RAB3B: variants seen among roughly 807,000 people sequenced by gnomAD.
RAB3B encodes ras-related protein Rab-3B.
In RAB3B, 11 loss-of-function variants were observed where a neutral mutation model predicts 20.5. That is an observed-to-expected ratio of 0.54 (90% CI 0.34 to 0.89). The LOEUF (loss-of-function observed/expected upper bound fraction) is 0.89, where lower values mean the gene tolerates loss of function less well. RAB3B is among the 40% of genes least tolerant of loss of function. RAB3B has a pLI of 0.02. For synonymous variants in RAB3B, 99 were observed against 106.3 expected (o/e 0.93, Z 0.42); for missense variants, 225 against 280.9 (o/e 0.80, Z 1.42).
chr1:51,967,465 T>A (rs1684868434), intron 2 of RAB3B, among the ~76,000 whole-genome samples: 1 of 151,472 alleles, frequency 6.6e-6, no homozygotes, highest in South Asian at 2.1e-4. Context: ...CTTCAGAGTC[T>A]TAAAGGATGA....
rs1553232373 is a variant in RAB3B at position 51,989,101 on chromosome 1, G to GCACACACACACACACACA, written c.-1+1450_-1+1451insTGTGTGTGTGTGTGTGTG. On this transcript the variant is annotated intron_variant, in intron 1 of 4. Transcript: ENST00000371655. Reference sequence around the variant, plus strand: ...AACAGGTGGACACCCACCTGTGCGCGCGCACACACACACACACACACACAC... The same window carrying GCACACACACACACACACA: ...AACAGGTGGACACCCACCTGTGCGCGCACACACACACACACACACGCACACACACACACACACACACAC... Among the ~76,000 whole-genome samples, 16 of 24,050 alleles carry GCACACACACACACACACA rather than the reference G, an allele frequency of 6.7e-4. No individual in the cohort carries two copies. In the East Asian group the frequency reaches 8.0e-3, roughly 12 times the overall value. The allele number at this position is 24,050 out of a possible 152,430, so 15.8% of individuals were successfully genotyped here.
rs1221669341 is a variant in RAB3B at position 51,908,959 on chromosome 1, TATA to T, written c.*10965_*10967del. The T allele has an allele frequency of 2.0e-5, 3 of 152,298 alleles. No homozygotes were observed. The highest frequency in any genetic ancestry group is 1.9e-4 in the East Asian group (1 of 5,202). The allele number at this position is 152,298 out of a possible 1,614,324, so 9.4% of individuals were successfully genotyped here. A position where few individuals can be genotyped will look rare whatever the true frequency, so the allele number is the denominator to read the frequency against. On this transcript the variant is annotated 3_prime_UTR_variant, in exon 5 of 5. Transcript: ENST00000371655. ...CTAACACATGATCGATGATTTTTGTTATAATATTTGAATCACGGTGCATACAAA... is the reference window on the plus strand; with the variant it reads ...CTAACACATGATCGATGATTTTTGTTATATTTGAATCACGGTGCATACAAA...
In RAB3B at chr1:51,924,760, G is replaced by T. The variant is rs372377086; in HGVS notation, c.473-4646C>A. Reference sequence around the variant, plus strand: ...CTTGCTTAGCAGAATAACCCCAAATGCACCCCACCCAATTACTGTCAGATT... The same window carrying T: ...CTTGCTTAGCAGAATAACCCCAAATTCACCCCACCCAATTACTGTCAGATT... On this transcript the variant is annotated intron_variant, in intron 4 of 4. Transcript: ENST00000371655. Among the ~76,000 whole-genome samples, 23 of 152,206 alleles carry T rather than the reference G, an allele frequency of 1.5e-4. No individual in the cohort carries two copies. In the East Asian group the frequency reaches 2.3e-3, roughly 15 times the overall value.
At chr1:51,989,257 T>TGC (rs1557980860) in intron 1 of RAB3B, among the ~76,000 whole-genome samples, 1 of 143,392 alleles carries the variant, frequency 7.0e-6, no homozygotes, top group Admixed American at 7.0e-5. Context: ...TGTGTGTGTG[T>TGC]TTTGAGGGCC....
intron 2 of RAB3B, among the ~76,000 whole-genome samples, chr1:51,966,531 A>G (rs1276395377): frequency 6.6e-6 from 1 of 152,198 alleles, no homozygotes; most frequent in African/African-American, 2.4e-5. Context: ...GACCCCTTCA[A>G]TAGTCAATCA....
rs1192068435 is a variant in RAB3B, at chr1:51,917,553, GAGAA to G, written c.*2370_*2373del. On this transcript the variant is annotated 3_prime_UTR_variant, in exon 5 of 5. Transcript: ENST00000371655. Reference sequence around the variant, plus strand: ...GCTGACTCCTTTAAAAAAAAAAAGAGAGAAAGAGAGACAGAGAGACAGGGTCTTA... The same window carrying G: ...GCTGACTCCTTTAAAAAAAAAAAGAGAGAGAGACAGAGAGACAGGGTCTTA... 2.0e-5 allele frequency: 3 copies of G among 151,776 alleles called. No homozygotes were observed. The highest frequency in any genetic ancestry group is 2.1e-4 in the South Asian group (1 of 4,820). 9.4% of individuals were successfully genotyped at this position (151,776 alleles called of 1,614,324 possible). A position where few individuals can be genotyped will look rare whatever the true frequency, so the allele number is the denominator to read the frequency against.
chr1:51,952,354 G>T (rs1486839662), intron 2 of RAB3B, among the ~76,000 whole-genome samples: 1 of 152,114 alleles, frequency 6.6e-6, no homozygotes, highest in African/African-American at 2.4e-5. Context: ...AACACTCATG[G>T]ATATAGCTAT....
chr1:51,909,325 G>A lies in RAB3B; in HGVS notation c.*10602C>T, dbSNP rs144715347. The A allele has an allele frequency of 1.4e-4, 22 of 152,272 alleles. No homozygotes were observed. In the East Asian group the frequency reaches 2.5e-3, roughly 17 times the overall value. The allele number at this position is 152,272 out of a possible 1,614,324, so 9.4% of individuals were successfully genotyped here. On this transcript the variant is annotated 3_prime_UTR_variant, in exon 5 of 5. Transcript: ENST00000371655. ...CTCTCACAGTGGCTCCACCTTAAAT[G>A]TCCACAGCATTTCACTTTCTAAAAT...
rs79781857 is a variant in RAB3B at position 51,928,685 on chromosome 1, C to T, written c.472+4633G>A. Among the ~76,000 whole-genome samples the T allele has an allele frequency of 6.2e-3, 942 of 152,306 alleles. 27 individuals are homozygous for T. In the South Asian group the frequency reaches 0.093, roughly 15 times the overall value. On this transcript the variant is annotated intron_variant, in intron 4 of 4. Transcript: ENST00000371655. ...TAACGTGGTCTACAAGATCCTGCAT[C>T]ATCTGATCTCTCCCCATCTGTCCAT...
rs146379116 is a variant in RAB3B at position 51,928,298 on chromosome 1, G to A, written c.472+5020C>T. On this transcript the variant is annotated intron_variant, in intron 4 of 4. Transcript: ENST00000371655. ...ATTTTTGTATTTTTAGTAGAGATGA[G>A]GTTTCTCCATGTTGGTCAGGCTGGT... Among the ~76,000 whole-genome samples the A allele has an allele frequency of 6.2e-3, 943 of 152,216 alleles. 27 individuals are homozygous for A. In the South Asian group the frequency reaches 0.094, roughly 15 times the overall value.
chr1:51,972,081 A>G (rs994859161), intron 2 of RAB3B, among the ~76,000 whole-genome samples: 2 of 152,168 alleles, frequency 1.3e-5, no homozygotes, highest in African/African-American at 4.8e-5. Context: ...CTCCAGAAGC[A>G]GAAGAATTGC....
At chr1:51,933,586 T>C in intron 3 of RAB3B, 144 bp from the exon 4 acceptor site, 1 of 721,698 alleles carries the variant, frequency 1.4e-6, no homozygotes, top group South Asian at 2.0e-5. Context: ...ATTATGTCAA[T>C]GAGGCTAGAG....
Position 51,911,380 on chromosome 1 carries a change from TTTTGTTTGTTTTTG to T in RAB3B, c.*8533_*8546del, listed in dbSNP as rs1683995607. 6.6e-6 allele frequency: 1 copy of T among 152,188 alleles called. No individual in the cohort carries two copies. The highest frequency in any genetic ancestry group is 1.9e-4 in the East Asian group (1 of 5,180). The allele number at this position is 152,188 out of a possible 1,614,324, so 9.4% of individuals were successfully genotyped here. The stretch of plus-strand genomic sequence containing the variant: ...GGATTTTCTGAATGACCCAGGTTTT[TTTTGTTTGTTTTTG>T]TTTGTTTGTTTGTTTGTTTTAGAAT... On this transcript the variant is annotated 3_prime_UTR_variant, in exon 5 of 5. Transcript: ENST00000371655.
intron 2 of RAB3B, among the ~76,000 whole-genome samples, chr1:51,943,902 TG>T (rs1325922729): frequency 1.3e-5 from 2 of 152,222 alleles, no homozygotes; most frequent in Admixed American, 1.3e-4. Context: ...CAGCAAATGC[TG>T]ATGTAGAAGC....
At chr1:51,948,054 GCCCTC>G (rs1374579054) in intron 2 of RAB3B, among the ~76,000 whole-genome samples, 3 of 152,154 alleles carry the variant, frequency 2.0e-5, no homozygotes, top group African/African-American at 7.2e-5. Flanking sequence ...TCATGTGGCA[GCCCTC>G]CAAATATTCA....
chr1:51,983,443 G>A (rs1167182), intron 1 of RAB3B, among the ~76,000 whole-genome samples: 5,452 of 152,248 alleles, frequency 0.036, 120 homozygotes, highest in Non-Finnish European at 0.043. Context: ...ATGCTGTACA[G>A]GTTTGCAGCC....
chr1:51,952,476 G>A (rs34385407), intron 2 of RAB3B, among the ~76,000 whole-genome samples: 3 of 152,036 alleles, frequency 2.0e-5, no homozygotes, highest in African/African-American at 7.2e-5. Context: ...GCATATCTTA[G>A]GTATTCAATA....
chr1:51,941,054 T>A (rs1684486542), intron 2 of RAB3B, among the ~76,000 whole-genome samples: 2 of 152,028 alleles, frequency 1.3e-5, no homozygotes, highest in African/African-American at 4.8e-5. Context: ...GCATAATGAT[T>A]CCCATGGGTG....
chr1:51,932,691 G>A (rs572904063), intron 4 of RAB3B, among the ~76,000 whole-genome samples: 1 of 152,310 alleles, frequency 6.6e-6, no homozygotes, highest in Admixed American at 6.5e-5. Context: ...GTGCTGGAAG[G>A]ATGTTTGATA....
Sources: gnomAD v4.1 joint callset for allele counts (sites outside exome capture counted in the v4.1 genomes callset) on GRCh38, gnomAD v4.1.1 for gene constraint, MANE v1.5 for transcripts, NCBI Gene and HGNC (gene_info 2026-07-23, HGNC 2026-07-21) for gene names.